ZBTB20: variants seen among roughly 807,000 people sequenced by gnomAD.
ZBTB20 encodes the protein zinc finger and BTB domain-containing protein 20.
ZBTB20 carries 9 observed loss-of-function variants against 56.9 expected under a neutral mutation model. The observed-to-expected ratio is 0.16, with a 90% CI of 0.10 to 0.28. The LOEUF (loss-of-function observed/expected upper bound fraction) is 0.28. Among genes scored for constraint, ZBTB20 ranks in the 10% least tolerant of loss-of-function variants. The pLI is 1.00. For missense variants in ZBTB20, 655 were observed against 1,003.0 expected (o/e 0.65, Z 4.69); for synonymous variants, 417 against 420.7 (o/e 0.99, Z 0.11).
chr3:115,011,509 A>G (rs1376782995), intron 2 of ZBTB20, among the ~76,000 whole-genome samples: 2 of 151,880 alleles, frequency 1.3e-5, no homozygotes, highest in African/African-American at 2.4e-5. Flanking sequence ...GGTAATATTT[A>G]AAGTACTGAA....
At chr3:114,611,996 T>TC (rs2057594072) in intron 6 of ZBTB20, among the ~76,000 whole-genome samples, 2 of 152,228 alleles carry the variant, frequency 1.3e-5, no homozygotes, top group Non-Finnish European at 2.9e-5. Flanking sequence ...TAGTCTTCAA[T>TC]AACATGGCTC....
At chr3:114,631,131 G>GA (rs1169774042) in intron 6 of ZBTB20, among the ~76,000 whole-genome samples, 3 of 151,706 alleles carry the variant, frequency 2.0e-5, no homozygotes, top group Admixed American at 6.6e-5. Flanking sequence ...ATTTACTTAA[G>GA]AAAAAAATAT....
intron 7 of ZBTB20, among the ~76,000 whole-genome samples, chr3:114,417,825 C>T (rs959440978): frequency 3.3e-5 from 5 of 152,026 alleles, no homozygotes; most frequent in Admixed American, 1.3e-4. Context: ...TGGATTTCTT[C>T]TACCCTCCCC....
chr3:114,702,457 C>A (rs1272348022), intron 5 of ZBTB20, among the ~76,000 whole-genome samples: 2 of 150,648 alleles, frequency 1.3e-5, no homozygotes, highest in Non-Finnish European at 3.0e-5. Flanking sequence ...TAAATATACA[C>A]ATACACAGAT....
chr3:114,705,074 C>T (rs1277164961), intron 5 of ZBTB20, among the ~76,000 whole-genome samples: 1 of 152,110 alleles, frequency 6.6e-6, no homozygotes, highest in African/African-American at 2.4e-5. Flanking sequence ...AAATAACTCA[C>T]TCAAAGCTAC....
intron 5 of ZBTB20, among the ~76,000 whole-genome samples, chr3:114,754,704 T>C (rs938336035): frequency 5.3e-5 from 8 of 152,186 alleles, no homozygotes; most frequent in Middle Eastern, 3.2e-3. Flanking sequence ...TGACTTTGTA[T>C]ATAGTAGTTC....
intron 6 of ZBTB20, chr3:114,502,737 ACCATTT>A (rs1481215181): frequency 6.6e-6 from 1 of 151,908 alleles, no homozygotes; most frequent in Admixed American, 6.6e-5. Context: ...ATATTTTCTT[ACCATTT>A]TCCTCCCTCC....
intron 1 of ZBTB20, among the ~76,000 whole-genome samples, chr3:115,140,288 T>C (rs2084775479): frequency 6.6e-6 from 1 of 152,054 alleles, no homozygotes; most frequent in Non-Finnish European, 1.5e-5. Flanking sequence ...TTGAATTTAA[T>C]ATATGAGAGA....
intron 4 of ZBTB20, among the ~76,000 whole-genome samples, chr3:114,834,577 A>C (rs1291784862): frequency 1.3e-5 from 2 of 152,156 alleles, no homozygotes; most frequent in Non-Finnish European, 2.9e-5. Flanking sequence ...TGGTGCTAAA[A>C]TATTTTATTT....
At chr3:114,814,149 T>C (rs2072758719) in intron 4 of ZBTB20, among the ~76,000 whole-genome samples, 1 of 151,654 alleles carries the variant, frequency 6.6e-6, no homozygotes, top group South Asian at 2.1e-4. Context: ...TAAGATCCTT[T>C]ATAGGATGCT....
At chr3:114,791,403 C>A (rs1222035609) in intron 5 of ZBTB20, among the ~76,000 whole-genome samples, 1 of 152,102 alleles carries the variant, frequency 6.6e-6, no homozygotes, top group Non-Finnish European at 1.5e-5. Flanking sequence ...ACTTCACTGA[C>A]AAGTTTTTCA....
intron 4 of ZBTB20, among the ~76,000 whole-genome samples, chr3:114,875,829 C>T (rs1029426588): frequency 2.6e-4 from 40 of 152,150 alleles, no homozygotes; most frequent in Non-Finnish European, 8.8e-5. Context: ...TAGGAAGGTG[C>T]TTTGTGAACT....
intron 7 of ZBTB20, among the ~76,000 whole-genome samples, chr3:114,470,776 C>T (rs1299562295): frequency 6.6e-6 from 1 of 152,166 alleles, no homozygotes; most frequent in African/African-American, 2.4e-5. Flanking sequence ...TCCTGAAATA[C>T]TAACATCTTT....
chr3:114,489,715 T>G (rs1456453631), intron 7 of ZBTB20, among the ~76,000 whole-genome samples: 1 of 152,122 alleles, frequency 6.6e-6, no homozygotes, highest in African/African-American at 2.4e-5. Context: ...AATTATAGAA[T>G]CATAAAAAAA....
chr3:114,721,237 T>A (rs1229304229), intron 5 of ZBTB20, among the ~76,000 whole-genome samples: 1 of 152,126 alleles, frequency 6.6e-6, no homozygotes, highest in Non-Finnish European at 1.5e-5. Flanking sequence ...GACACTGGCA[T>A]GGTCACAGTG....
chr3:114,721,326 G>C (rs1299121293), intron 5 of ZBTB20, among the ~76,000 whole-genome samples: 1 of 150,826 alleles, frequency 6.6e-6, no homozygotes, highest in African/African-American at 2.5e-5. Flanking sequence ...GAGAGAGAAA[G>C]AGAGAGAGTG....
chr3:114,464,732 A>G (rs11925245), intron 7 of ZBTB20, among the ~76,000 whole-genome samples: 46,300 of 151,822 alleles, frequency 0.3, 8,911 homozygotes, highest in African/African-American at 0.55. Context: ...TAAAAAGGAC[A>G]TGAATAGCTG....
chr3:114,600,961 T>G (rs906720188), intron 6 of ZBTB20, among the ~76,000 whole-genome samples: 1 of 141,036 alleles, frequency 7.1e-6, no homozygotes, highest in Admixed American at 7.0e-5. Context: ...AATGCCTTAG[T>G]TTTTTTTTTT....
intron 6 of ZBTB20, among the ~76,000 whole-genome samples, chr3:114,559,172 G>A (rs1236836245): frequency 6.6e-6 from 1 of 152,130 alleles, no homozygotes; most frequent in Non-Finnish European, 1.5e-5. Flanking sequence ...ACAAATACTT[G>A]CTGAGTGAAT....
Sources: gnomAD v4.1 joint callset for allele counts (sites outside exome capture counted in the v4.1 genomes callset) on GRCh38, gnomAD v4.1.1 for gene constraint, MANE v1.5 for transcripts, NCBI Gene and HGNC (gene_info 2026-07-23, HGNC 2026-07-21) for gene names.